C1orf87: variants seen among roughly 807,000 people sequenced by gnomAD.
C1orf87 encodes uncharacterized protein C1orf87.
C1orf87 carries 58 observed loss-of-function variants against 60.5 expected under a neutral mutation model. That is an observed-to-expected ratio of 0.96 (90% CI 0.78 to 1.19). The LOEUF is 1.19. C1orf87 is among the 50% of genes most tolerant of loss of function. The pLI, the probability that C1orf87 is intolerant of heterozygous loss-of-function variation, is 0.00. For synonymous variants in C1orf87, 236 were observed against 227.4 expected (o/e 1.04, Z -0.34); for missense variants, 673 against 638.6 (o/e 1.05, Z -0.58).
chr1:60,068,019 G>A (rs1645560324), intron 2 of C1orf87, among the ~76,000 whole-genome samples: 1 of 152,162 alleles, frequency 6.6e-6, no homozygotes, highest in East Asian at 1.9e-4. Flanking sequence ...GTTTGTTGAA[G>A]ATTGGATGGT....
intron 11 of C1orf87, among the ~76,000 whole-genome samples, chr1:59,996,880 A>C (rs1182905270): frequency 6.6e-6 from 1 of 152,168 alleles, no homozygotes; most frequent in Non-Finnish European, 1.5e-5. Flanking sequence ...AGGGATAAAC[A>C]AGGAAGATAG....
intron 10 of C1orf87, 146 bp downstream of exon 10, chr1:60,000,931 G>T: frequency 1.5e-6 from 1 of 647,758 alleles, no homozygotes; most frequent in Non-Finnish European, 2.6e-6. Context: ...CTTTGCCCAA[G>T]GAGAGTCTTG....
At position 59,990,634 on chromosome 1, in the gene C1orf87, G is replaced by C; in HGVS notation, c.*39C>G. On this transcript the variant is annotated 3_prime_UTR_variant, in exon 12 of 12. Transcript: ENST00000371201. ...AAACATGTGTCTGGGTAAAAAGGGA[G>C]ATAAGGGAAACATCTGTTCTCACAA... 6.2e-7 allele frequency: 1 copy of C among 1,603,800 alleles called. No homozygotes were observed. The highest frequency in any genetic ancestry group is 8.5e-7 in the Non-Finnish European group (1 of 1,172,632).
intron 8 of C1orf87, chr1:60,010,752 C>G (rs552280835): frequency 4.5e-6 from 1 of 223,628 alleles, no homozygotes. Flanking sequence ...GTCTCAGTTT[C>G]CCCTAGCTAT....
intron 2 of C1orf87, among the ~76,000 whole-genome samples, chr1:60,064,782 A>AAT (rs1645528388): frequency 2.1e-5 from 2 of 93,336 alleles, no homozygotes; most frequent in Non-Finnish European, 3.8e-5. Context: ...TTAATATATA[A>AAT]ATATATATTA....
rs146573048 is a variant in C1orf87 at position 60,040,847 on chromosome 1, C to T, written c.483+144G>A. 331 of 813,346 alleles carry T rather than the reference C, an allele frequency of 4.1e-4. 1 individual carries two copies. In the African/African-American group the frequency reaches 5.7e-3, roughly 14 times the overall value. The allele number at this position is 813,346 out of a possible 1,614,324, so 50.4% of individuals were successfully genotyped here. A position where few individuals can be genotyped will look rare whatever the true frequency, so the allele number is the denominator to read the frequency against. On this transcript the variant is annotated intron_variant, in intron 4 of 11. Transcript: ENST00000371201. The stretch of plus-strand genomic sequence containing the variant: ...GCTTCAAGTGATCCTCCCAGCTTGG[C>T]TTCTCAAAGTGCTGGCATTACAGGT...
chr1:60,065,638 T>G (rs1645540969), intron 2 of C1orf87, among the ~76,000 whole-genome samples: 2 of 152,166 alleles, frequency 1.3e-5, no homozygotes, highest in South Asian at 4.1e-4. Context: ...GCTCAGTTAA[T>G]ATTTGTGAAA....
At chr1:60,013,476 T>C (rs549250366) in intron 8 of C1orf87, among the ~76,000 whole-genome samples, 2 of 152,180 alleles carry the variant, frequency 1.3e-5, no homozygotes, top group South Asian at 4.1e-4. Context: ...TTTGTGCTTT[T>C]TAAGTTTCAT....
chr1:59,999,490 C>T (rs1644986588), intron 10 of C1orf87, among the ~76,000 whole-genome samples: 1 of 151,932 alleles, frequency 6.6e-6, no homozygotes, highest in African/African-American at 2.4e-5. Context: ...TCACAGGTGC[C>T]CTTGGATCTG....
At chr1:60,067,416 T>G (rs75070279) in intron 2 of C1orf87, among the ~76,000 whole-genome samples, 9 of 152,142 alleles carry the variant, frequency 5.9e-5, no homozygotes, top group Admixed American at 2.0e-4. Flanking sequence ...TTCTAACTGG[T>G]GTGATATAGT....
chr1:60,063,437 CT>C (rs1200311719), intron 2 of C1orf87, among the ~76,000 whole-genome samples: 1 of 152,130 alleles, frequency 6.6e-6, no homozygotes, highest in Middle Eastern at 3.2e-3. Flanking sequence ...CAGAAGCAGC[CT>C]TTAGAAAACA....
rs1276534313 is a variant in C1orf87 at position 60,025,483 on chromosome 1, C to A, written c.1045G>T (p.Gly349Trp). Reference protein sequence around the residue: ...LPLPKVRAICGKHGLYLTLSL... With the variant: ...LPLPKVRAICWKHGLYLTLSL... ...AGGGTCAGATATAATCCATGCTTCC[C>A]ACATATAGCCCTGACCTACAAGTTA... The change falls in exon 8 of 12, where the codon GGG becomes TGG. Residue 349 changes from glycine to tryptophan, a missense_variant. Gly to Trp is a radical substitution (Grantham distance 184). Transcript: ENST00000371201. 3 of 1,611,098 alleles carry A rather than the reference C, an allele frequency of 1.9e-6. No individual in the cohort carries two copies. Among genetic ancestry groups the A allele is most frequent in the Non-Finnish European group, 2.5e-6 (3 of 1,178,604 alleles).
chr1:60,014,667 T>A (rs1025712183), intron 8 of C1orf87, among the ~76,000 whole-genome samples: 1 of 152,148 alleles, frequency 6.6e-6, no homozygotes, highest in Non-Finnish European at 1.5e-5. Flanking sequence ...AAGGCTTAAG[T>A]CAAAAGGTTT....
At chr1:60,004,421 T>TA (rs1241215322) in intron 9 of C1orf87, among the ~76,000 whole-genome samples, 8 of 152,036 alleles carry the variant, frequency 5.3e-5, no homozygotes, top group African/African-American at 1.9e-4. Flanking sequence ...AAACTAACAT[T>TA]AATTATGATG....
At chr1:60,064,658 AAT>A (rs1334733308) in intron 2 of C1orf87, among the ~76,000 whole-genome samples, 43 of 109,748 alleles carry the variant, frequency 3.9e-4, no homozygotes, top group African/African-American at 1.5e-3. Context: ...TTATATATTA[AAT>A]ATATAATTAT....
At chr1:60,025,063 G>T (rs1254917006) in intron 8 of C1orf87, among the ~76,000 whole-genome samples, 2 of 152,140 alleles carry the variant, frequency 1.3e-5, no homozygotes, top group South Asian at 2.1e-4. Context: ...AAAAATTCAG[G>T]CTGCTATCAC....
At chr1:59,993,024 T>A (rs1258595438) in intron 11 of C1orf87, among the ~76,000 whole-genome samples, 1 of 152,166 alleles carries the variant, frequency 6.6e-6, no homozygotes, top group East Asian at 1.9e-4. Flanking sequence ...TCTGGCCATT[T>A]CTCCACACCC....
chr1:60,054,860 CA>C (rs1372778418), intron 3 of C1orf87, among the ~76,000 whole-genome samples: 1 of 151,990 alleles, frequency 6.6e-6, no homozygotes, highest in Non-Finnish European at 1.5e-5. Flanking sequence ...AATGTAAAAG[CA>C]GACAGACTCT....
intron 7 of C1orf87, among the ~76,000 whole-genome samples, chr1:60,029,528 C>T (rs1416501169): frequency 1.3e-5 from 2 of 151,886 alleles, no homozygotes; most frequent in Non-Finnish European, 2.9e-5. Context: ...CTAAAGTTGA[C>T]TTGAGCAGGA....
Sources: gnomAD v4.1 joint callset for allele counts (sites outside exome capture counted in the v4.1 genomes callset) on GRCh38, gnomAD v4.1.1 for gene constraint, MANE v1.5 for transcripts, NCBI Gene and HGNC (gene_info 2026-07-23, HGNC 2026-07-21) for gene names.